Variants in ATG7 observed in about 807,000 individuals in gnomAD.
ATG7 encodes the protein autophagy related 7, also known as ubiquitin-like modifier-activating enzyme ATG7.
In ATG7, 70 loss-of-function variants were observed where a neutral mutation model predicts 82.4. That is an observed-to-expected ratio of 0.85 (90% CI 0.70 to 1.04). The LOEUF is 1.04. Among genes scored for constraint, ATG7 ranks in the 50% least tolerant of loss-of-function variants. The probability of loss-of-function intolerance (pLI) is 0.00; values close to 1 mark genes in which losing one functional copy is unlikely to be tolerated. For missense variants in ATG7, 792 were observed against 864.3 expected (o/e 0.92, Z 1.05); for synonymous variants, 287 against 313.0 (o/e 0.92, Z 0.88).
the ATG7 span, among the ~76,000 whole-genome samples, chr3:11,569,773 T>C: frequency 6.6e-6 from 1 of 152,158 alleles, no homozygotes; most frequent in Admixed American, 6.5e-5. Context: ...TCCCAGCTAC[T>C]TGGAGGCTGA....
At chr3:11,288,853 C>T (rs1303776154) in intron 3 of ATG7, 1 of 152,092 alleles carries the variant, frequency 6.6e-6, no homozygotes, top group Non-Finnish European at 1.5e-5. Context: ...AGACACAGCC[C>T]CGGGGGATTG....
At chr3:11,551,977 G>T (rs1302585829) in intron 20 of ATG7, among the ~76,000 whole-genome samples, 1 of 152,186 alleles carries the variant, frequency 6.6e-6, no homozygotes. Context: ...TCGAACTCCT[G>T]ACCTCAAGTG....
chr3:11,366,806 G>A (rs781532694), intron 18 of ATG7, among the ~76,000 whole-genome samples: 5 of 151,824 alleles, frequency 3.3e-5, no homozygotes, highest in Admixed American at 6.6e-5. Flanking sequence ...AATCCCTCTC[G>A]GTGTTATTTA....
intron 14 of ATG7, among the ~76,000 whole-genome samples, chr3:11,354,371 C>T (rs181529702): frequency 2.2e-4 from 33 of 152,154 alleles, no homozygotes; most frequent in African/African-American, 7.2e-4. Flanking sequence ...ATTATGAGGC[C>T]GGGCGCAATT....
chr3:11,340,834 G>T (rs1422499681), intron 12 of ATG7, 99 bp downstream of exon 12: 3 of 1,064,126 alleles, frequency 2.8e-6, no homozygotes, highest in East Asian at 5.3e-5. Flanking sequence ...TTCAGCCCAG[G>T]GGGTGCCAGT....
chr3:11,421,443 C>G (rs1014111672), intron 19 of ATG7, among the ~76,000 whole-genome samples: 4 of 152,206 alleles, frequency 2.6e-5, no homozygotes, highest in Non-Finnish European at 4.4e-5. Context: ...AGAAACCACT[C>G]TCTTTGCTTA....
chr3:11,491,164 T>C, intron 20 of ATG7, among the ~76,000 whole-genome samples: 1 of 152,188 alleles, frequency 6.6e-6, no homozygotes, highest in Non-Finnish European at 1.5e-5. Context: ...GGAGGCTTTG[T>C]TCGTTTCTTT....
chr3:11,385,790 A>G (rs2078275864), intron 19 of ATG7, among the ~76,000 whole-genome samples: 1 of 152,220 alleles, frequency 6.6e-6, no homozygotes, highest in Non-Finnish European at 1.5e-5. Flanking sequence ...TTGCATGTAT[A>G]ATAGCCAGAG....
intron 20 of ATG7, among the ~76,000 whole-genome samples, chr3:11,543,270 G>C (rs534230089): frequency 1.3e-5 from 2 of 152,230 alleles, no homozygotes; most frequent in African/African-American, 4.8e-5. Context: ...TGGAACCCCG[G>C]AGCAGTGGGT....
intron 3 of ATG7, among the ~76,000 whole-genome samples, chr3:11,293,336 C>G (rs1309742348): frequency 6.6e-6 from 1 of 150,880 alleles, no homozygotes; most frequent in Non-Finnish European, 1.5e-5. Context: ...TTGAGACCAG[C>G]CTGTCTAACA....
intron 2 of ATG7, among the ~76,000 whole-genome samples, 142 bp from the exon 3 acceptor site, chr3:11,282,041 TCAGATGAACA>T (rs1451051235): frequency 6.6e-6 from 1 of 152,156 alleles, no homozygotes; most frequent in Non-Finnish European, 1.5e-5. Context: ...TGGGTGTCTC[TCAGATGAACA>T]GAGAAATGGG....
chr3:11,315,612 GTTT>G, intron 9 of ATG7, 119 bp downstream of exon 9: 1 of 925,632 alleles, frequency 1.1e-6, no homozygotes, highest in Non-Finnish European at 1.5e-6. Context: ...TTCAAAGGAT[GTTT>G]AAGAACATTT....
In ATG7 at chr3:11,490,406, G is replaced by A. The variant is rs139758268; in HGVS notation, c.2079+63480G>A. 1.1e-3 allele frequency among the ~76,000 whole-genome samples: 175 copies of A among 152,294 alleles called. 1 individual carries two copies. Among genetic ancestry groups the A allele is most frequent in the African/African-American group, 3.7e-3 (153 of 41,548 alleles). On this transcript the variant is annotated intron_variant, in intron 20 of 20. Coordinates refer to ENST00000693202, the MANE Select transcript of ATG7 (RefSeq NM_001349232.2). ...GGTTTCCTGAATACAGCACACTGAT[G>A]AGTCTTGACTCTTTATCCAGTTTGC...
intron 18 of ATG7, among the ~76,000 whole-genome samples, chr3:11,370,326 C>G (rs1037645661): frequency 6.6e-6 from 1 of 150,818 alleles, no homozygotes; most frequent in South Asian, 2.1e-4. Flanking sequence ...TTTTCTGCCC[C>G]CTTGGTGACT....
chr3:11,495,993 A>G (rs2090801186), intron 20 of ATG7, among the ~76,000 whole-genome samples: 1 of 152,168 alleles, frequency 6.6e-6, no homozygotes, highest in Non-Finnish European at 1.5e-5. Flanking sequence ...CACTTTCCAC[A>G]TGGTAGCCCT....
At chr3:11,363,066 A>G (rs1051831962) in intron 17 of ATG7, 138 bp downstream of exon 17, 1 of 745,026 alleles carries the variant, frequency 1.3e-6, no homozygotes, top group Non-Finnish European at 2.2e-6. Context: ...AAGACTAGAA[A>G]AAGCAGGTCT....
chr3:11,529,391 A>T (rs2092650071), intron 20 of ATG7: 1 of 152,210 alleles, frequency 6.6e-6, no homozygotes, highest in East Asian at 1.9e-4. Flanking sequence ...CCTATAGATG[A>T]CATTGATTTT....
chr3:11,558,476 T>C, downstream of ATG7: 3 of 331,906 alleles, frequency 9.0e-6, no homozygotes, highest in African/African-American at 2.5e-5. Context: ...ACCCCCATGA[T>C]TTTTTTTTTT....
chr3:11,348,478 C>A (rs1217605874), intron 14 of ATG7: 1 of 163,602 alleles, frequency 6.1e-6, no homozygotes, highest in Non-Finnish European at 1.3e-5. Context: ...GTGAGTGTTA[C>A]AGCTCTTAAA....
Sources: allele counts gnomAD v4.1 joint callset (sites outside exome capture counted in the v4.1 genomes callset), GRCh38; gene constraint gnomAD v4.1.1; transcripts MANE v1.5; gene names NCBI Gene and HGNC (gene_info 2026-07-23, HGNC 2026-07-21).